ACOT13: variants seen among roughly 807,000 people sequenced by gnomAD.
ACOT13 encodes acyl-CoA thioesterase 13.
A neutral mutation model predicts 11.8 loss-of-function variants in ACOT13; 10 were observed. That is an observed-to-expected ratio of 0.85 (90% CI 0.53 to 1.44). ACOT13 has a LOEUF of 1.44. Ranked by LOEUF, ACOT13 falls within the 40% of genes most tolerant of loss-of-function variation. ACOT13 has a pLI of 0.00. For synonymous variants in ACOT13, 53 were observed against 61.0 expected, an observed-to-expected ratio of 0.87 and a Z score of 0.61; for missense variants, 172 against 174.1, an observed-to-expected ratio of 0.99 and a Z score of 0.07.
chr6:24,695,403 C>T (rs1778777767), intron 1 of ACOT13, among the ~76,000 whole-genome samples: 1 of 152,192 alleles, frequency 6.6e-6, no homozygotes, highest in Non-Finnish European at 1.5e-5. Flanking sequence ...TGGCTTTTTC[C>T]CTTATCTTCA....
intron 1 of ACOT13, among the ~76,000 whole-genome samples, chr6:24,673,951 A>G (rs1392430911): frequency 6.6e-6 from 1 of 152,234 alleles, no homozygotes; most frequent in Non-Finnish European, 1.5e-5. Context: ...TTCTTACCAC[A>G]TACAAAAAAA....
chr6:24,685,724 T>C (rs887768234), intron 1 of ACOT13, among the ~76,000 whole-genome samples: 2 of 151,722 alleles, frequency 1.3e-5, no homozygotes, highest in African/African-American at 2.4e-5. Context: ...CCGAGGGACA[T>C]TGGCAAAGTC....
In ACOT13 at chr6:24,701,709, C is replaced by T. The variant is rs1021221858; in HGVS notation, c.*94C>T. The T allele has an allele frequency of 1.9e-5, 25 of 1,284,818 alleles. No individual in the cohort carries two copies. Among genetic ancestry groups the T allele is most frequent in the Non-Finnish European group, 2.4e-5 (23 of 950,844 alleles). 79.6% of individuals were successfully genotyped at this position (1,284,818 alleles called of 1,614,324 possible). A position where few individuals can be genotyped will look rare whatever the true frequency, so the allele number is the denominator to read the frequency against. On this transcript the variant is annotated 3_prime_UTR_variant, in exon 3 of 3. Coordinates refer to ENST00000230048, the MANE Select transcript of ACOT13 (RefSeq NM_018473.4). ...TAATTTTTGAAATAAACTAGCAAAA[C>T]CAGAAGCAGCTAGAAATATTCTTGG...
rs1037771555 is a variant in ACOT13, at chr6:24,703,757, G to T, written c.*2142G>T. The T allele has an allele frequency of 2.0e-5, 3 of 152,226 alleles. No homozygotes were observed. The highest frequency in any genetic ancestry group is 1.5e-5 in the Non-Finnish European group (1 of 68,044). The allele number at this position is 152,226 out of a possible 1,614,324, so 9.4% of individuals were successfully genotyped here. The stretch of plus-strand genomic sequence containing the variant: ...ATTTGCACATTGCTTCCCAGAGATT[G>T]CTAGTAGTAAGTACCACACATAGGG... On this transcript the variant is annotated 3_prime_UTR_variant, in exon 3 of 3. Coordinates refer to ENST00000230048, the MANE Select transcript of ACOT13 (RefSeq NM_018473.4).
intron 1 of ACOT13, among the ~76,000 whole-genome samples, chr6:24,695,085 G>T (rs1778773603): frequency 6.6e-6 from 1 of 152,144 alleles, no homozygotes; most frequent in South Asian, 2.1e-4. Context: ...GAGGTGGGTG[G>T]ATCACCTGAG....
chr6:24,685,169 GATTGATACC>G (rs934281303), intron 1 of ACOT13, among the ~76,000 whole-genome samples: 5 of 152,148 alleles, frequency 3.3e-5, no homozygotes, highest in African/African-American at 1.2e-4. Context: ...GAACTGTACA[GATTGATACC>G]ATTGTAGGTA....
chr6:24,697,731 AG>A (rs764773904), intron 1 of ACOT13, 151 bp from the exon 2 acceptor site: 1 of 570,418 alleles, frequency 1.8e-6, no homozygotes, highest in Non-Finnish European at 2.9e-6. Context: ...AACTTGCATA[AG>A]GGTTAATTTC....
chr6:24,674,773 G>A (rs998462431), intron 1 of ACOT13, among the ~76,000 whole-genome samples: 15 of 152,092 alleles, frequency 9.9e-5, no homozygotes, highest in African/African-American at 3.6e-4. Flanking sequence ...GGGTACATGT[G>A]TGCAACGTGC....
chr6:24,692,395 T>C (rs1222537296), intron 1 of ACOT13, among the ~76,000 whole-genome samples: 2 of 152,182 alleles, frequency 1.3e-5, no homozygotes, highest in African/African-American at 2.4e-5. Context: ...TTGATAATAG[T>C]TTTTATAATA....
chr6:24,700,104 GGATGCCTGTTA>G (rs1459838082), intron 2 of ACOT13, among the ~76,000 whole-genome samples: 3 of 152,190 alleles, frequency 2.0e-5, no homozygotes, highest in African/African-American at 4.8e-5. Flanking sequence ...TACAGACTGA[GGATGCCTGTTA>G]GACTGTGACT....
chr6:24,684,549 A>ACCAGAAATACAGTTTC (rs60466800), intron 1 of ACOT13, among the ~76,000 whole-genome samples: 2 of 151,740 alleles, frequency 1.3e-5, no homozygotes, highest in East Asian at 1.9e-4. Context: ...TGCCCGTTGA[A>ACCAGAAATACAGTTTC]CCAGAAGTTG....
In ACOT13 at chr6:24,667,095, C is replaced by T. The variant is rs17243157; in HGVS notation, c.-169C>T. On this transcript the variant is annotated 5_prime_UTR_variant, in exon 1 of 3. Transcript: ENST00000230048. ...GAAAGTCAGTGAGCAAATCGCGGAC[C>T]ACCGGGGCTGCCAGCTCGCCTGACT... 96,853 of 847,006 alleles carry T rather than the reference C, an allele frequency of 0.11. 6,313 individuals carry two copies. The highest frequency in any genetic ancestry group is 0.24 in the South Asian group (13,555 of 57,242). 52.5% of individuals were successfully genotyped at this position (847,006 alleles called of 1,614,324 possible).
intron 1 of ACOT13, among the ~76,000 whole-genome samples, chr6:24,678,085 G>C (rs1778485912): frequency 6.6e-6 from 1 of 152,140 alleles, no homozygotes; most frequent in African/African-American, 2.4e-5. Flanking sequence ...ATGAGAATTG[G>C]CTCAAGTCTT....
intron 2 of ACOT13, among the ~76,000 whole-genome samples, chr6:24,698,742 A>G (rs1010288173): frequency 2.6e-5 from 4 of 151,664 alleles, no homozygotes; most frequent in Non-Finnish European, 5.9e-5. Context: ...GGCTCAAGTA[A>G]TTCTCCTGCC....
chr6:24,692,288 G>C (rs1778728602), intron 1 of ACOT13, among the ~76,000 whole-genome samples: 1 of 152,176 alleles, frequency 6.6e-6, no homozygotes, highest in Non-Finnish European at 1.5e-5. Context: ...AGGCTGCCAA[G>C]GGTCCTTTGA....
chr6:24,687,385 T>C (rs1778648784), intron 1 of ACOT13: 1 of 1,176,492 alleles, frequency 8.5e-7, no homozygotes, highest in African/African-American at 1.6e-5. Context: ...TTAGTTGCCA[T>C]TGAAACTTTT....
In ACOT13 at chr6:24,701,596, C is replaced by T. The variant is rs930822765; in HGVS notation, c.404C>T (p.Thr135Ile). The T allele has an allele frequency of 1.9e-6, 3 of 1,611,440 alleles. No homozygotes were observed. The highest frequency in any genetic ancestry group is 2.5e-6 in the Non-Finnish European group (3 of 1,178,546). The change falls in exon 3 of 3, where the codon ACA becomes ATA. Residue 135 changes from threonine (T) to isoleucine (I), a missense_variant. By Grantham distance (89) the Thr-to-Ile change is moderately conservative. Transcript: ENST00000230048. ...AAATTAATAGCACAAGGAAGACACA[C>T]AAAACACCTGGGAAACTGAGAGAAC... ...TGKLIAQGRHTKHLGN is the reference protein window; with the variant it reads ...TGKLIAQGRHIKHLGN
intron 2 of ACOT13, 40 bp from the exon 3 acceptor site, chr6:24,701,419 A>G: frequency 6.4e-6 from 10 of 1,567,358 alleles, no homozygotes; most frequent in Non-Finnish European, 8.7e-6. Flanking sequence ...TTTCCCTTTG[A>G]AAAATTATCT....
intron 1 of ACOT13, among the ~76,000 whole-genome samples, chr6:24,681,045 T>C (rs1380753246): frequency 6.6e-6 from 1 of 152,240 alleles, no homozygotes; most frequent in Non-Finnish European, 1.5e-5. Flanking sequence ...CGGACCTTTG[T>C]ATGGTAATTA....
Sources: gnomAD v4.1 joint callset for allele counts (sites outside exome capture counted in the v4.1 genomes callset) on GRCh38, gnomAD v4.1.1 for gene constraint, MANE v1.5 for transcripts, NCBI Gene and HGNC (gene_info 2026-07-23, HGNC 2026-07-21) for gene names.